Variants in ITGBL1 observed in about 807,000 individuals in gnomAD.
ITGBL1 encodes the protein integrin beta-like protein 1.
Under a neutral mutation model 68.5 loss-of-function variants are expected in ITGBL1, and 51 were observed. The ratio of observed to expected loss-of-function variants is 0.74; its 90% CI spans 0.59 to 0.94. ITGBL1 has a LOEUF of 0.94. ITGBL1 is among the 40% of genes least tolerant of loss of function. ITGBL1 has a pLI of 0.00. For synonymous variants in ITGBL1, 209 were observed against 227.3 expected, an observed-to-expected ratio of 0.92 and a Z score of 0.72; for missense variants, 649 against 647.4, an observed-to-expected ratio of 1.00 and a Z score of -0.03.
intron 7 of ITGBL1, among the ~76,000 whole-genome samples, chr13:101,619,917 AC>A (rs1342826176): frequency 6.6e-6 from 1 of 152,072 alleles, no homozygotes; most frequent in Non-Finnish European, 1.5e-5. Flanking sequence ...TCCTCTTATA[AC>A]TTTTTCCAAA....
chr13:101,652,472 T>A (rs1266274411), intron 7 of ITGBL1, among the ~76,000 whole-genome samples: 1 of 152,162 alleles, frequency 6.6e-6, no homozygotes, highest in Non-Finnish European at 1.5e-5. Flanking sequence ...ATATTTAGTA[T>A]AATGCCAGGA....
At chr13:101,533,200 T>C (rs1420290271) in intron 2 of ITGBL1, among the ~76,000 whole-genome samples, 1 of 152,244 alleles carries the variant, frequency 6.6e-6, no homozygotes, top group African/African-American at 2.4e-5. Context: ...ATGAACCTGC[T>C]GCACATTTGC....
intron 6 of ITGBL1, among the ~76,000 whole-genome samples, chr13:101,596,425 T>C (rs924234219): frequency 6.6e-5 from 10 of 151,984 alleles, no homozygotes; most frequent in Admixed American, 6.6e-4. Flanking sequence ...TCTTAGATAT[T>C]CCCACTGCAC....
At chr13:101,507,530 A>G (rs1257783751) in intron 2 of ITGBL1, among the ~76,000 whole-genome samples, 1 of 152,294 alleles carries the variant, frequency 6.6e-6, no homozygotes, top group East Asian at 1.9e-4. Context: ...AAAATACACA[A>G]TAATGTGAGG....
chr13:101,500,899 A>C (rs2048931024), intron 2 of ITGBL1, among the ~76,000 whole-genome samples: 1 of 152,210 alleles, frequency 6.6e-6, no homozygotes, highest in South Asian at 2.1e-4. Flanking sequence ...AGCAAATTAA[A>C]CTTGGAATCC....
At chr13:101,691,960 T>G (rs549034636) in intron 7 of ITGBL1, among the ~76,000 whole-genome samples, 17 of 152,282 alleles carry the variant, frequency 1.1e-4, no homozygotes, top group Non-Finnish European at 2.1e-4. Context: ...ATGGGACTAG[T>G]TAAGGGGTTC....
chr13:101,680,533 C>T (rs986056797), intron 7 of ITGBL1, among the ~76,000 whole-genome samples: 1 of 143,742 alleles, frequency 7.0e-6, no homozygotes, highest in African/African-American at 2.6e-5. Flanking sequence ...CGGGAATACA[C>T]TTTTTTTTTT....
At position 101,714,276 on chromosome 13, in the gene ITGBL1, CAGTA is replaced by C. The variant is rs2034614306; in HGVS notation, c.1280-156_1280-153del. 3 of 612,300 alleles carry C rather than the reference CAGTA, an allele frequency of 4.9e-6. No homozygotes were observed. The East Asian group carries it at 8.2e-5, about 17-fold the overall frequency. 37.9% of individuals were successfully genotyped at this position (612,300 alleles called of 1,614,324 possible). ...TTTCCTGGGTGACCTTTATGAATTACAGTAAGTAAAGCTCCCCTCTGAGAAACCA... is the reference window on the plus strand; with the variant it reads ...TTTCCTGGGTGACCTTTATGAATTACAGTAAAGCTCCCCTCTGAGAAACCA... On this transcript the variant is annotated intron_variant, in intron 9 of 10. Coordinates refer to ENST00000376180, the MANE Select transcript of ITGBL1 (RefSeq NM_004791.3).
chr13:101,504,316 G>A (rs2048990940), intron 2 of ITGBL1, among the ~76,000 whole-genome samples: 1 of 150,774 alleles, frequency 6.6e-6, no homozygotes, highest in Non-Finnish European at 1.5e-5. Context: ...CCCTCTCAGA[G>A]TCACGATCCA....
At chr13:101,690,302 T>A (rs1226318570) in intron 7 of ITGBL1, among the ~76,000 whole-genome samples, 1 of 152,166 alleles carries the variant, frequency 6.6e-6, no homozygotes, top group Non-Finnish European at 1.5e-5. Flanking sequence ...TATGCCAGTG[T>A]TTAGTTCATC....
chr13:101,484,538 G>A (rs912339401), intron 2 of ITGBL1, among the ~76,000 whole-genome samples: 4 of 151,946 alleles, frequency 2.6e-5, no homozygotes, highest in Non-Finnish European at 5.9e-5. Flanking sequence ...AAGAAAAAAC[G>A]GTGAATTTGA....
At chr13:101,641,067 G>C (rs1013755355) in intron 7 of ITGBL1, among the ~76,000 whole-genome samples, 1 of 152,146 alleles carries the variant, frequency 6.6e-6, no homozygotes, top group African/African-American at 2.4e-5. Context: ...TATGTTCTGA[G>C]TGTAATTATT....
At chr13:101,600,584 T>C (rs9518461) in intron 7 of ITGBL1, among the ~76,000 whole-genome samples, 20,083 of 151,986 alleles carry the variant, frequency 0.13, 1,449 homozygotes, top group South Asian at 0.21. Context: ...TTGTCATAGA[T>C]AGCTCTTATT....
chr13:101,661,274 C>T (rs939281460), intron 7 of ITGBL1, among the ~76,000 whole-genome samples: 7 of 152,042 alleles, frequency 4.6e-5, no homozygotes, highest in Non-Finnish European at 8.8e-5. Flanking sequence ...CGAGCTTATC[C>T]TAAACTCCGG....
intron 7 of ITGBL1, among the ~76,000 whole-genome samples, chr13:101,672,692 A>C (rs1343557471): frequency 6.6e-6 from 1 of 152,224 alleles, no homozygotes; most frequent in East Asian, 1.9e-4. Context: ...CTCTGCCACC[A>C]GCAGGTCTTT....
chr13:101,692,709 C>A lies in ITGBL1; in HGVS notation c.1132+8C>A, dbSNP rs753430501. On this transcript the variant is annotated splice_region_variant and intron_variant, in intron 8 of 10. Transcript: ENST00000376180. ...ATGGTGTGGTCTGTGGAGGTAGTAACCTTTCTCATAGCTGTATGCTACCTG... is the reference window on the plus strand; with the variant it reads ...ATGGTGTGGTCTGTGGAGGTAGTAAACTTTCTCATAGCTGTATGCTACCTG... The A allele has an allele frequency of 3.4e-5, 54 of 1,567,742 alleles. No homozygotes were observed. The East Asian group carries it at 1.1e-3, about 33-fold the overall frequency.
chr13:101,707,509 G>T (rs2139588923), intron 9 of ITGBL1, among the ~76,000 whole-genome samples: 1 of 152,242 alleles, frequency 6.6e-6, no homozygotes, highest in South Asian at 2.1e-4. Flanking sequence ...ATCACCAATT[G>T]TTCCAAGTAA....
At chr13:101,521,240 G>A (rs1175426509) in intron 2 of ITGBL1, among the ~76,000 whole-genome samples, 1 of 152,154 alleles carries the variant, frequency 6.6e-6, no homozygotes, top group African/African-American at 2.4e-5. Flanking sequence ...TCATTTCCAA[G>A]CATTTTTCTA....
chr13:101,703,436 T>C (rs2034182009), intron 8 of ITGBL1, among the ~76,000 whole-genome samples: 1 of 152,246 alleles, frequency 6.6e-6, no homozygotes, highest in South Asian at 2.1e-4. Context: ...ATTGGAAATG[T>C]AGCTTCTGTT....
Sources: allele counts gnomAD v4.1 joint callset (sites outside exome capture counted in the v4.1 genomes callset), GRCh38; gene constraint gnomAD v4.1.1; transcripts MANE v1.5; gene names NCBI Gene and HGNC (gene_info 2026-07-23, HGNC 2026-07-21).